Variants in FAM149B1 observed in about 807,000 individuals in gnomAD.
The protein encoded by FAM149B1 is family with sequence similarity 149 member B1, also known as primary cilium assembly protein FAM149B1.
Under a neutral mutation model 75.3 loss-of-function variants are expected in FAM149B1, and 56 were observed. The observed-to-expected ratio is 0.74, with a 90% CI of 0.60 to 0.93. The LOEUF (loss-of-function observed/expected upper bound fraction) is 0.93. Ranked by LOEUF, FAM149B1 falls within the 40% of genes least tolerant of loss-of-function variation. The probability of loss-of-function intolerance (pLI) is 0.00; values close to 1 mark genes in which losing one functional copy is unlikely to be tolerated. For missense variants in FAM149B1, 639 were observed against 708.4 expected, an observed-to-expected ratio of 0.90 and a Z score of 1.11; for synonymous variants, 259 against 256.1, an observed-to-expected ratio of 1.01 and a Z score of -0.11.
At chr10:73,192,729 A>G (rs1480353691) in intron 4 of FAM149B1, 31 bp downstream of exon 4, 6 of 1,487,846 alleles carry the variant, frequency 4.0e-6, no homozygotes, top group African/African-American at 1.4e-5. Context: ...ACTTGTATTC[A>G]TGGCTAATAC....
intron 3 of FAM149B1, among the ~76,000 whole-genome samples, chr10:73,182,678 A>G (rs2042427217): frequency 6.6e-6 from 1 of 152,236 alleles, no homozygotes; most frequent in South Asian, 2.1e-4. Flanking sequence ...GTTGAAAGCC[A>G]GCATCAGCTG....
At chr10:73,232,894 C>T in intron 9 of FAM149B1, 45 bp from the exon 10 acceptor site, 3 of 1,146,176 alleles carry the variant, frequency 2.6e-6, no homozygotes, top group Non-Finnish European at 3.9e-6. Context: ...TCTTCCTTGA[C>T]ATACTGATCT....
chr10:73,196,106 G>A (rs973567169), intron 5 of FAM149B1, among the ~76,000 whole-genome samples: 1 of 151,938 alleles, frequency 6.6e-6, no homozygotes, highest in African/African-American at 2.4e-5. Flanking sequence ...GTTTTGTTTT[G>A]ACTGTTTCTT....
intron 5 of FAM149B1, among the ~76,000 whole-genome samples, chr10:73,196,138 G>A (rs144474913): frequency 3.3e-5 from 5 of 152,306 alleles, no homozygotes; most frequent in African/African-American, 1.2e-4. Flanking sequence ...ACAGTAGGAT[G>A]TGCCAGGCCC....
chr10:73,183,869 A>C (rs951646140), intron 3 of FAM149B1, among the ~76,000 whole-genome samples: 2 of 152,226 alleles, frequency 1.3e-5, no homozygotes, highest in African/African-American at 4.8e-5. Context: ...GTAGGTTTGG[A>C]GTGAACCTGG....
At chr10:73,210,951 C>T (rs1172664312) in intron 7 of FAM149B1, among the ~76,000 whole-genome samples, 1 of 152,100 alleles carries the variant, frequency 6.6e-6, no homozygotes, top group East Asian at 1.9e-4. Flanking sequence ...TTTTCCCCCA[C>T]AACCCAAGCA....
chr10:73,199,661 G>A (rs1024496368), intron 5 of FAM149B1, among the ~76,000 whole-genome samples: 5 of 152,176 alleles, frequency 3.3e-5, no homozygotes, highest in Non-Finnish European at 7.3e-5. Context: ...ACATGCCACT[G>A]TACCCAGCCT....
intron 5 of FAM149B1, among the ~76,000 whole-genome samples, chr10:73,205,783 A>C (rs1030748566): frequency 2.2e-4 from 34 of 152,038 alleles, no homozygotes; most frequent in African/African-American, 7.5e-4. Context: ...TGAACTCCTG[A>C]CCTCGTGATC....
chr10:73,215,327 G>A (rs890308610), intron 7 of FAM149B1, among the ~76,000 whole-genome samples: 1 of 151,978 alleles, frequency 6.6e-6, no homozygotes, highest in Admixed American at 6.6e-5. Context: ...GCTCGGCTTT[G>A]TTTTTTTAGT....
intron 6 of FAM149B1, among the ~76,000 whole-genome samples, chr10:73,209,184 C>A (rs533364452): frequency 5.2e-4 from 79 of 152,298 alleles, no homozygotes; most frequent in African/African-American, 1.8e-3. Context: ...CGCGGTGGCT[C>A]ACACTTGTAA....
At chr10:73,192,507 G>C in intron 3 of FAM149B1, 49 bp from the exon 4 acceptor site, 1 of 1,513,224 alleles carries the variant, frequency 6.6e-7, no homozygotes. Flanking sequence ...ATTTTTAACA[G>C]AGAGTGAATC....
intron 12 of FAM149B1, 29 bp from the exon 13 acceptor site, chr10:73,239,283 T>C: frequency 6.5e-7 from 1 of 1,533,308 alleles, no homozygotes; most frequent in Non-Finnish European, 8.8e-7. Flanking sequence ...AGATGCATCA[T>C]AAGAAGTGTC....
In FAM149B1 at chr10:73,233,038, G is replaced by A; in HGVS notation, c.1227G>A (p.Leu409=). The change falls in exon 10 of 14, where the codon CTG becomes CTA. Residue 409 remains leucine, a synonymous_variant. Transcript: ENST00000242505. ...CTGTGGAGTTTAGTACATCATCTCT[G>A]TCATACACAGTGCAGTCCACCAGGA... ...NRAVEFSTSS[L]SYTVQSTRRR... is the part of the protein sequence containing the mutation. 1.9e-6 allele frequency: 3 copies of A among 1,551,662 alleles called. No homozygotes were observed. The highest frequency in any genetic ancestry group is 2.6e-6 in the Non-Finnish European group (3 of 1,146,914).
chr10:73,223,831 G>A (rs190568923), intron 7 of FAM149B1, among the ~76,000 whole-genome samples: 2 of 151,848 alleles, frequency 1.3e-5, no homozygotes, highest in East Asian at 3.9e-4. Flanking sequence ...TTGAGACACA[G>A]GACAGGTGGT....
At chr10:73,178,973 T>C (rs1009970476) in intron 3 of FAM149B1, among the ~76,000 whole-genome samples, 5 of 152,254 alleles carry the variant, frequency 3.3e-5, no homozygotes, top group African/African-American at 1.2e-4. Flanking sequence ...TTCTTGTTTT[T>C]TGTTTTTTTT....
At chr10:73,202,712 A>G (rs1168862169) in intron 5 of FAM149B1, among the ~76,000 whole-genome samples, 1 of 137,306 alleles carries the variant, frequency 7.3e-6, no homozygotes, top group East Asian at 2.4e-4. Context: ...TTTGTTTGAG[A>G]CAGGGCCTCG....
chr10:73,180,526 C>T (rs2042371839), intron 3 of FAM149B1, among the ~76,000 whole-genome samples: 1 of 152,230 alleles, frequency 6.6e-6, no homozygotes, highest in Admixed American at 6.5e-5. Flanking sequence ...ATTTGTATCT[C>T]TTTATAACTT....
rs2043974137 is a variant in FAM149B1 at position 73,243,265 on chromosome 10, G to A, written c.*2246G>A. 32 of 931,988 alleles carry A rather than the reference G, an allele frequency of 3.4e-5. No homozygotes were observed. The South Asian group carries it at 4.0e-4, about 12-fold the overall frequency. The allele number at this position is 931,988 out of a possible 1,614,324, so 57.7% of individuals were successfully genotyped here. A position where few individuals can be genotyped will look rare whatever the true frequency, so the allele number is the denominator to read the frequency against. On this transcript the variant is annotated 3_prime_UTR_variant, in exon 14 of 14. Transcript: ENST00000242505. ...AGGTTGAGAGATTCTGCTTGGTCTA[G>A]TCAATCTGAAAAATTCAGGCTGGAA...
In FAM149B1 at chr10:73,239,352, C is replaced by T. The variant is rs1165133822; in HGVS notation, c.1643C>T (p.Pro548Leu). The T allele has an allele frequency of 1.3e-6, 2 of 1,551,624 alleles. No individual in the cohort carries two copies. The stretch of plus-strand genomic sequence containing the variant: ...CGTCGCTCATGTGCAGTTGAGTATC[C>T]TCATCAGGCCCGACCTGGCAGGGGA... ...QYRRSCAVEY[P>L]HQARPGRGSA... Residue 548 changes from proline to leucine, a missense_variant, in exon 13 of 14, where the codon CCT becomes CTT. Pro to Leu is a moderately conservative substitution (Grantham distance 98). Coordinates refer to ENST00000242505, the MANE Select transcript of FAM149B1 (RefSeq NM_173348.2).
Sources: gnomAD v4.1 joint callset for allele counts (sites outside exome capture counted in the v4.1 genomes callset) on GRCh38, gnomAD v4.1.1 for gene constraint, MANE v1.5 for transcripts, NCBI Gene and HGNC (gene_info 2026-07-23, HGNC 2026-07-21) for gene names.